Variants in MEGF9 observed in about 807,000 individuals in gnomAD.
MEGF9 encodes multiple epidermal growth factor-like domains protein 9.
In MEGF9, 6 loss-of-function variants were observed where a neutral mutation model predicts 46.8. The ratio of observed to expected loss-of-function variants is 0.13; its 90% CI spans 0.07 to 0.25. The LOEUF is 0.25. Ranked by LOEUF, MEGF9 falls within the 10% of genes least tolerant of loss-of-function variation. The pLI, the probability that MEGF9 is intolerant of heterozygous loss-of-function variation, is 1.00. For missense variants in MEGF9, 683 were observed against 792.4 expected (o/e 0.86, Z 1.66); for synonymous variants, 302 against 330.7 (o/e 0.91, Z 0.94).
intron 1 of MEGF9, among the ~76,000 whole-genome samples, chr9:120,661,979 A>G (rs560196801): frequency 2.6e-4 from 40 of 152,382 alleles, no homozygotes; most frequent in African/African-American, 9.6e-4. Flanking sequence ...CAGTAGAACT[A>G]GCTCAAGAAA....
intron 2 of MEGF9, among the ~76,000 whole-genome samples, chr9:120,635,271 TCTGA>T (rs1234205139): frequency 2.0e-5 from 3 of 152,228 alleles, no homozygotes; most frequent in African/African-American, 7.2e-5. Context: ...CTTTGAATAA[TCTGA>T]CTATTAAGTA....
chr9:120,672,618 C>T (rs2043754970), intron 1 of MEGF9, among the ~76,000 whole-genome samples: 1 of 152,038 alleles, frequency 6.6e-6, no homozygotes, highest in African/African-American at 2.4e-5. Flanking sequence ...GAGACCCTGT[C>T]TCAATAAATA....
chr9:120,616,191 A>G (rs553946041), intron 3 of MEGF9, among the ~76,000 whole-genome samples: 1 of 152,102 alleles, frequency 6.6e-6, no homozygotes, highest in African/African-American at 2.4e-5. Context: ...TGTAAAATAT[A>G]TCACATACAC....
intron 1 of MEGF9, among the ~76,000 whole-genome samples, chr9:120,710,713 T>C (rs1476087859): frequency 6.6e-6 from 1 of 152,230 alleles, no homozygotes; most frequent in Admixed American, 6.5e-5. Context: ...TAAAAAATAC[T>C]GTACAACCAT....
chr9:120,695,842 C>T (rs759486888), intron 1 of MEGF9, among the ~76,000 whole-genome samples: 22 of 152,090 alleles, frequency 1.4e-4, no homozygotes, highest in Admixed American at 7.2e-4. Context: ...GCCTTGATAC[C>T]GCATCACGTA....
At chr9:120,660,415 T>A (rs938474281) in intron 1 of MEGF9, among the ~76,000 whole-genome samples, 6 of 152,200 alleles carry the variant, frequency 3.9e-5, no homozygotes, top group Non-Finnish European at 8.8e-5. Flanking sequence ...CCAATTATAC[T>A]CCTTTAGTTA....
At chr9:120,704,716 T>A (rs865996551) in intron 1 of MEGF9, among the ~76,000 whole-genome samples, 3 of 152,112 alleles carry the variant, frequency 2.0e-5, no homozygotes, top group South Asian at 2.1e-4. Context: ...CAACAAAATG[T>A]GAATTGCAAG....
In MEGF9 at chr9:120,705,482, G is replaced by A. The variant is rs143209842; in HGVS notation, c.601+8276C>T. 1.0e-4 allele frequency among the ~76,000 whole-genome samples: 15 copies of A among 150,476 alleles called. No individual in the cohort carries two copies. The East Asian group carries it at 2.9e-3, about 29-fold the overall frequency. On this transcript the variant is annotated intron_variant, in intron 1 of 5. Coordinates refer to ENST00000373930, the MANE Select transcript of MEGF9 (RefSeq NM_001080497.3). ...GGCTAAAAATAAAAGATATGAGTGA[G>A]AGGAACGCATAGAAGGCTTTAAATT... is the stretch of plus-strand genomic sequence containing the variant.
intron 1 of MEGF9, among the ~76,000 whole-genome samples, chr9:120,673,689 C>T (rs756676944): frequency 2.0e-5 from 3 of 151,546 alleles, no homozygotes; most frequent in Non-Finnish European, 4.4e-5. Context: ...CTCAATAGGC[C>T]GGGCACGGTG....
chr9:120,617,805 G>A (rs912256867), intron 3 of MEGF9, among the ~76,000 whole-genome samples: 1 of 152,192 alleles, frequency 6.6e-6, no homozygotes, highest in African/African-American at 2.4e-5. Context: ...TGCAATAAAA[G>A]TCATGAACAG....
At chr9:120,650,538 T>C (rs2043645146) in intron 2 of MEGF9, among the ~76,000 whole-genome samples, 1 of 152,126 alleles carries the variant, frequency 6.6e-6, no homozygotes, top group Non-Finnish European at 1.5e-5. Context: ...CACAAAGACA[T>C]TGCTCAACCC....
chr9:120,714,256 C>T lies in MEGF9; in HGVS notation c.103G>A (p.Ala35Thr). 1 of 1,210,908 alleles carries T rather than the reference C, an allele frequency of 8.3e-7. No homozygotes were observed. The highest frequency in any genetic ancestry group is 1.0e-6 in the Non-Finnish European group (1 of 984,816). The allele number at this position is 1,210,908 out of a possible 1,614,324, so 75.0% of individuals were successfully genotyped here. A position where few individuals can be genotyped will look rare whatever the true frequency, so the allele number is the denominator to read the frequency against. The change falls in exon 1 of 6, where the codon GCC (alanine) becomes ACC (threonine). Residue 35 changes from alanine (A) to threonine (T), a missense_variant. Around this residue, in one of 2 missense-constraint regions of MEGF9, gnomAD observed 370 missense variants for 371.3 expected, o/e 1.00. Transcript: ENST00000373930. ...CCGGTGACATTCCCCGCCGAGGCGGCTGAGGCGACGGCGGCGGCGGCGGCG... is the reference window on the plus strand; with the variant it reads ...CCGGTGACATTCCCCGCCGAGGCGGTTGAGGCGACGGCGGCGGCGGCGGCG... ...AAAAAAAVASAASAGNVTGGG... is the reference protein window; with the variant it reads ...AAAAAAAVASTASAGNVTGGG...
chr9:120,614,509 G>A (rs1224294108), intron 3 of MEGF9, among the ~76,000 whole-genome samples: 1 of 152,090 alleles, frequency 6.6e-6, no homozygotes, highest in Non-Finnish European at 1.5e-5. Flanking sequence ...AGACACTTTA[G>A]GTACTGGCTT....
intron 2 of MEGF9, among the ~76,000 whole-genome samples, chr9:120,656,275 C>G (rs576464371): frequency 6.6e-6 from 1 of 152,084 alleles, no homozygotes; most frequent in Non-Finnish European, 1.5e-5. Context: ...TGGCTGGGCA[C>G]GGTGGCTCAC....
rs2043426074 is a variant in MEGF9 at position 120,607,781 on chromosome 9, T to C, written c.1317A>G (p.Glu439=). 2 of 1,614,006 alleles carry C rather than the reference T, an allele frequency of 1.2e-6. No individual in the cohort carries two copies. Among genetic ancestry groups the C allele is most frequent in the Non-Finnish European group, 1.7e-6 (2 of 1,179,870 alleles). The change falls in exon 5 of 6, where the codon GAA becomes GAG. Residue 439 remains glutamate (E), a synonymous_variant. Coordinates refer to ENST00000373930, the MANE Select transcript of MEGF9 (RefSeq NM_001080497.3). ...TTCCCTCGAGGTCGTGAACATAACCTTCTAGGCAGTTCTCACACCAAAACC... is the reference window on the plus strand; with the variant it reads ...TTCCCTCGAGGTCGTGAACATAACCCTCTAGGCAGTTCTCACACCAAAACC... The part of the protein sequence containing the change: ...TTGFWCENCL[E]GYVHDLEGNC...
At chr9:120,696,920 G>T (rs549464621) in intron 1 of MEGF9, among the ~76,000 whole-genome samples, 1 of 152,088 alleles carries the variant, frequency 6.6e-6, no homozygotes, top group East Asian at 1.9e-4. Context: ...AAACATATTC[G>T]AATCTAGTTG....
At chr9:120,695,455 A>T (rs141722031) in intron 1 of MEGF9, among the ~76,000 whole-genome samples, 1,809 of 151,930 alleles carry the variant, frequency 0.012, 28 homozygotes, top group African/African-American at 0.042. Context: ...AATACAAAAA[A>T]TTAGCTGGGA....
chr9:120,644,524 C>T lies in MEGF9; in HGVS notation c.803+14850G>A, dbSNP rs111719643. Among the ~76,000 whole-genome samples, 15 of 152,226 alleles carry T rather than the reference C, an allele frequency of 9.9e-5. No individual in the cohort carries two copies. The South Asian group carries it at 2.5e-3, about 25-fold the overall frequency. ...GGCTTACTGAAAATAAGCAGTGGTT[C>T]GGCCAACCAATTAACAAACACTAGG... On this transcript the variant is annotated intron_variant, in intron 2 of 5. Coordinates refer to ENST00000373930, the MANE Select transcript of MEGF9 (RefSeq NM_001080497.3).
intron 1 of MEGF9, chr9:120,689,954 A>G (rs2043841171): frequency 1.9e-6 from 1 of 532,674 alleles, no homozygotes; most frequent in Non-Finnish European, 3.9e-6. Flanking sequence ...AGACTCTAAG[A>G]TTCATGACTG....
Sources: allele counts gnomAD v4.1 joint callset (sites outside exome capture counted in the v4.1 genomes callset), GRCh38; gene constraint gnomAD v4.1.1; regional missense constraint gnomAD v4.1.1; transcripts MANE v1.5; gene names NCBI Gene and HGNC (gene_info 2026-07-23, HGNC 2026-07-21).